Variants in MRC2 observed in about 807,000 individuals in gnomAD.
MRC2 encodes the protein C-type mannose receptor 2.
A neutral mutation model predicts 206.2 loss-of-function variants in MRC2; 84 were observed. The observed-to-expected ratio is 0.41, with a 90% CI of 0.34 to 0.49. The LOEUF (loss-of-function observed/expected upper bound fraction) is 0.49, where lower values mean the gene tolerates loss of function less well. Among genes scored for constraint, MRC2 ranks in the 20% least tolerant of loss-of-function variants. The pLI is 0.31. For synonymous variants in MRC2, 798 were observed against 800.0 expected (o/e 1.00, Z 0.04); for missense variants, 1,676 against 2,001.5 (o/e 0.84, Z 3.10).
rs761167690 is a variant in MRC2, at chr17:62,664,721, T to G, written c.292T>G (p.Trp98Gly). Reference protein sequence around the residue: ...LGTMQCLGTGWPGTNTTASLG... With the variant: ...LGTMQCLGTGGPGTNTTASLG... ...TACCATGCAGTGCCTGGGCACAGGC[T>G]GGCCAGGCACCAACACCACGGCCTC... Residue 98 changes from tryptophan (W) to glycine (G), a missense_variant, in exon 2 of 30, where the codon TGG becomes GGG. Transcript: ENST00000303375. The surrounding 1 kb of genome is among the most constrained non-coding windows in gnomAD (Gnocchi z 4.7). The G allele has an allele frequency of 6.8e-6, 11 of 1,613,904 alleles. No individual in the cohort carries two copies. The highest frequency in any genetic ancestry group is 1.6e-4 in the Middle Eastern group (1 of 6,084).
intron 22 of MRC2, 73 bp downstream of exon 22, chr17:62,688,737 C>G: frequency 1.3e-6 from 2 of 1,594,852 alleles, no homozygotes; most frequent in Non-Finnish European, 1.7e-6. Context: ...GCCCCAGCAT[C>G]TCTTGCCCCA....
At position 62,671,340 on chromosome 17, in the gene MRC2, G is replaced by A. The variant is rs1234872251; in HGVS notation, c.1118-309G>A. On this transcript the variant is annotated intron_variant, in intron 6 of 29. Coordinates refer to ENST00000303375, the MANE Select transcript of MRC2 (RefSeq NM_006039.5). This position sits in a 1 kb window ranked among gnomAD's most constrained non-coding sequence, Gnocchi z 4.5. ...CCAGCCTTAGCCTTCCAAAGTGCTG[G>A]GATTACAGGCCTGAGCCACCATGCC... 6.6e-6 allele frequency among the ~76,000 whole-genome samples: 1 copy of A among 152,192 alleles called. No individual in the cohort carries two copies. Among genetic ancestry groups the A allele is most frequent in the African/African-American group, 2.4e-5 (1 of 41,450 alleles).
chr17:62,667,635 A>T lies in MRC2; in HGVS notation c.1117+102A>T. The stretch of plus-strand genomic sequence containing the variant: ...CAGCCTCTCCTCCGGTTACCACCAC[A>T]GCACAAGGGGACTCTGGATCCTCTG... On this transcript the variant is annotated intron_variant, in intron 6 of 29. Transcript: ENST00000303375. The surrounding 1 kb of genome is among the most constrained non-coding windows in gnomAD (Gnocchi z 4.1). 7.7e-7 allele frequency: 1 copy of T among 1,304,416 alleles called. No individual in the cohort carries two copies. The highest frequency in any genetic ancestry group is 1.0e-6 in the Non-Finnish European group (1 of 969,720). 80.8% of individuals were successfully genotyped at this position (1,304,416 alleles called of 1,614,324 possible). A position where few individuals can be genotyped will look rare whatever the true frequency, so the allele number is the denominator to read the frequency against.
chr17:62,627,981 G>T, intron 1 of MRC2, 61 bp downstream of exon 1: 1 of 1,174,886 alleles, frequency 8.5e-7, no homozygotes, highest in Non-Finnish European at 1.1e-6. Flanking sequence ...CGAGGCGCGG[G>T]CCGCTCTCGA....
In MRC2 at chr17:62,667,513, C is replaced by T. The variant is rs767946605; in HGVS notation, c.1097C>T (p.Thr366Met). ...GTGTGCAAGAAGAAGCCCAACGCCA[C>T]GGCCGAGCCCACCCCTCCAGGTGAG... ...PYVCKKKPNA[T>M]AEPTPPDRWA... Residue 366 changes from threonine (T) to methionine (M), a missense_variant, in exon 6 of 30, where the codon ACG (threonine) becomes ATG (methionine). Transcript: ENST00000303375. The surrounding 1 kb of genome is among the most constrained non-coding windows in gnomAD (Gnocchi z 4.1). 2 of 1,610,840 alleles carry T rather than the reference C, an allele frequency of 1.2e-6. No homozygotes were observed. The highest frequency in any genetic ancestry group is 1.1e-5 in the South Asian group (1 of 90,824).
At position 62,666,984 on chromosome 17, in the gene MRC2, C is replaced by T; in HGVS notation, c.973+114C>T. On this transcript the variant is annotated intron_variant, in intron 5 of 29. Transcript: ENST00000303375. The surrounding 1 kb of genome is among the most constrained non-coding windows in gnomAD (Gnocchi z 5.0). ...AGAGGGGCAGTGTGGGTAGGGGAAG[C>T]ACCGACCTCCACCCCCCTCCCCAGA... 11 of 786,942 alleles carry T rather than the reference C, an allele frequency of 1.4e-5. No individual in the cohort carries two copies. The South Asian group carries it at 1.7e-4, about 12-fold the overall frequency. The allele number at this position is 786,942 out of a possible 1,614,324, so 48.7% of individuals were successfully genotyped here.
intron 6 of MRC2, among the ~76,000 whole-genome samples, chr17:62,668,512 A>G (rs1232987160): frequency 6.6e-6 from 1 of 152,114 alleles, no homozygotes; most frequent in East Asian, 1.9e-4. Context: ...GCATCCCCGG[A>G]GGGCTTGTTA....
chr17:62,684,287 T>C (rs1387630115), intron 20 of MRC2, among the ~76,000 whole-genome samples: 1 of 152,222 alleles, frequency 6.6e-6, no homozygotes, highest in Non-Finnish European at 1.5e-5. Flanking sequence ...TTAGTCCTTC[T>C]ACCAATTAAA....
chr17:62,674,617 G>C (rs2088867911), intron 9 of MRC2, among the ~76,000 whole-genome samples: 1 of 152,186 alleles, frequency 6.6e-6, no homozygotes, highest in Non-Finnish European at 1.5e-5. Context: ...CTGGAGGAGT[G>C]AGGCCACTCA....
At position 62,692,265 on chromosome 17, in the gene MRC2, G is replaced by A. The variant is rs1210021112; in HGVS notation, c.4254G>A (p.Val1418=). ...LPENPAALVV[V]LMAVLLLLAL... ...AGAACCCAGCGGCCCTGGTGGTGGTGCTGATGGCGGTGCTGCTGCTCCTGG... is the reference window on the plus strand; with the variant it reads ...AGAACCCAGCGGCCCTGGTGGTGGTACTGATGGCGGTGCTGCTGCTCCTGG... The change falls in exon 30 of 30, where the codon GTG becomes GTA. Residue 1418 remains valine (V), a synonymous_variant. Coordinates refer to ENST00000303375, the MANE Select transcript of MRC2 (RefSeq NM_006039.5). The surrounding 1 kb of genome is among the most constrained non-coding windows in gnomAD (Gnocchi z 4.2). 3.1e-6 allele frequency: 5 copies of A among 1,606,712 alleles called. No individual in the cohort carries two copies. The South Asian group carries it at 4.4e-5, about 14-fold the overall frequency.
chr17:62,638,313 A>C (rs528650073), intron 1 of MRC2, among the ~76,000 whole-genome samples: 4 of 152,252 alleles, frequency 2.6e-5, no homozygotes, highest in Non-Finnish European at 5.9e-5. Flanking sequence ...TATGGTTTTA[A>C]ATTAAAATAA....
rs1438682124 is a variant in MRC2, at chr17:62,671,422, G to A, written c.1118-227G>A. Among the ~76,000 whole-genome samples the A allele has an allele frequency of 6.6e-6, 1 of 152,200 alleles. No homozygotes were observed. Among genetic ancestry groups the A allele is most frequent in the African/African-American group, 2.4e-5 (1 of 41,454 alleles). The stretch of plus-strand genomic sequence containing the variant: ...CCAGAGGAAGTGTTCTGTCCTGGGT[G>A]GAATCTGCCACCACGACTTGGGTCT... On this transcript the variant is annotated intron_variant, in intron 6 of 29. Transcript: ENST00000303375. This position sits in a 1 kb window ranked among gnomAD's most constrained non-coding sequence, Gnocchi z 4.5.
intron 1 of MRC2, among the ~76,000 whole-genome samples, chr17:62,651,103 T>A (rs1393150922): frequency 1.3e-5 from 2 of 150,960 alleles, no homozygotes; most frequent in African/African-American, 2.4e-5. Context: ...TTTTTTTTTT[T>A]AAACGCAGTC....
chr17:62,657,913 C>G (rs2088636984), intron 1 of MRC2, among the ~76,000 whole-genome samples: 2 of 152,146 alleles, frequency 1.3e-5, no homozygotes, highest in South Asian at 2.1e-4. Flanking sequence ...TCAAGAACCC[C>G]CTGACCCCGG....
Position 62,680,082 on chromosome 17 carries a change from G to A in MRC2, c.2299-88G>A. ...CCCCCGGTGAGAATTCGCAGCTCAG[G>A]CCAGGCCTCTTGTTCACCTGTTCCG... On this transcript the variant is annotated intron_variant, in intron 14 of 29. Transcript: ENST00000303375. The surrounding 1 kb of genome is among the most constrained non-coding windows in gnomAD (Gnocchi z 4.8). 1 of 1,583,528 alleles carries A rather than the reference G, an allele frequency of 6.3e-7. No individual in the cohort carries two copies. Among genetic ancestry groups the A allele is most frequent in the South Asian group, 1.2e-5 (1 of 86,434 alleles).
At chr17:62,654,085 G>C (rs2088589571) in intron 1 of MRC2, among the ~76,000 whole-genome samples, 1 of 152,138 alleles carries the variant, frequency 6.6e-6, no homozygotes, top group African/African-American at 2.4e-5. Context: ...TGCTCCTCTT[G>C]GCTGGCGGCC....
chr17:62,681,761 G>T (rs754305221), intron 18 of MRC2, 76 bp from the exon 19 acceptor site: 14 of 1,156,090 alleles, frequency 1.2e-5, no homozygotes, highest in Non-Finnish European at 1.6e-5. Flanking sequence ...CCATTCCTGC[G>T]GCCTTCATTG....
At chr17:62,629,482 G>A (rs2084199002) in intron 1 of MRC2, among the ~76,000 whole-genome samples, 1 of 152,214 alleles carries the variant, frequency 6.6e-6, no homozygotes, top group Non-Finnish European at 1.5e-5. Context: ...GGGATGAATA[G>A]CCTCAGAGGG....
chr17:62,627,855 G>A lies in MRC2; in HGVS notation c.53G>A (p.Cys18Tyr). The change falls in exon 1 of 30, where the codon TGC becomes TAC. Residue 18 changes from cysteine to tyrosine, a missense_variant. Around this residue, in one of 3 missense-constraint regions of MRC2, gnomAD observed 318 missense variants for 346.7 expected, o/e 0.92. Coordinates refer to ENST00000303375, the MANE Select transcript of MRC2 (RefSeq NM_006039.5). ...CCCTGGCCTCGTCACCTGCTGCGCT[G>A]CGTCCTGCTCCTCGGGTGCCTGCAC... is the stretch of plus-strand genomic sequence containing the variant. ...PAPWPRHLLR[C>Y]VLLLGCLHLG... 6.8e-7 allele frequency: 1 copy of A among 1,480,082 alleles called. No individual in the cohort carries two copies. Among genetic ancestry groups the A allele is most frequent in the Non-Finnish European group, 8.9e-7 (1 of 1,123,296 alleles). The allele number at this position is 1,480,082 out of a possible 1,614,324, so 91.7% of individuals were successfully genotyped here. A position where few individuals can be genotyped will look rare whatever the true frequency, so the allele number is the denominator to read the frequency against.
Sources: gnomAD v4.1 joint callset for allele counts (sites outside exome capture counted in the v4.1 genomes callset) on GRCh38, gnomAD v4.1.1 for gene constraint, gnomAD v4.1.1 regional missense constraint, Gnocchi (gnomAD v3.1) non-coding constraint, MANE v1.5 for transcripts, NCBI Gene and HGNC (gene_info 2026-07-23, HGNC 2026-07-21) for gene names.